The following SGCZ variants were observed in gnomAD, a reference collection of about 807,000 sequenced individuals.
SGCZ encodes the protein sarcoglycan zeta, also known as zeta-sarcoglycan.
Under a neutral mutation model 41.3 loss-of-function variants are expected in SGCZ, and 40 were observed. The ratio of observed to expected loss-of-function variants is 0.97; its 90% confidence interval spans 0.75 to 1.26. The LOEUF is 1.26. Ranked by LOEUF, SGCZ falls within the 50% of genes most tolerant of loss-of-function variation. The pLI is 0.00. For missense variants in SGCZ, 552 were observed against 369.8 expected, an observed-to-expected ratio of 1.49 and a Z score of -4.04; for synonymous variants, 206 against 137.5, an observed-to-expected ratio of 1.50 and a Z score of -3.49.
rs1457071143 is a variant in SGCZ, at chr8:14,440,716, CG to C, written c.234+114015del. On this transcript the variant is annotated intron_variant, in intron 2 of 7. Coordinates refer to ENST00000382080, the MANE Select transcript of SGCZ (RefSeq NM_139167.4). ...GTATATGTATATATGTATATACATACGTATACACGTATATGTATATATGTAT... is the reference window on the plus strand; with the variant it reads ...GTATATGTATATATGTATATACATACTATACACGTATATGTATATATGTAT... Among the ~76,000 whole-genome samples the C allele has an allele frequency of 4.7e-4, 26 of 55,120 alleles. 2 individuals are homozygous for C. Among genetic ancestry groups the C allele is most frequent in the Non-Finnish European group, 1.1e-3 (24 of 22,850 alleles). The allele number at this position is 55,120 out of a possible 152,430, so 36.2% of individuals were successfully genotyped here. A position where few individuals can be genotyped will look rare whatever the true frequency, so the allele number is the denominator to read the frequency against.
At chr8:14,429,483 G>C (rs1216343658) in intron 2 of SGCZ, among the ~76,000 whole-genome samples, 1 of 152,172 alleles carries the variant, frequency 6.6e-6, no homozygotes, top group African/African-American at 2.4e-5. Context: ...GAGATGAGAT[G>C]AGGTTAAGAG....
intron 1 of SGCZ, among the ~76,000 whole-genome samples, chr8:15,005,302 G>A (rs938676242): frequency 2.9e-5 from 4 of 138,422 alleles, no homozygotes; most frequent in Non-Finnish European, 4.7e-5. Flanking sequence ...CCCTCCCCAC[G>A]CCCCCTCCCC....
intron 2 of SGCZ, among the ~76,000 whole-genome samples, chr8:14,372,560 T>C (rs973352151): frequency 1.3e-5 from 2 of 151,898 alleles, no homozygotes; most frequent in East Asian, 3.9e-4. Context: ...GGACAAAGGG[T>C]AGGAAGTACA....
At chr8:14,128,447 T>C (rs1394106038) in intron 5 of SGCZ, among the ~76,000 whole-genome samples, 1 of 152,218 alleles carries the variant, frequency 6.6e-6, no homozygotes, top group Non-Finnish European at 1.5e-5. Context: ...TATACACTGT[T>C]GGTGGAAGTG....
At chr8:14,730,004 G>A (rs1810182952) in intron 1 of SGCZ, among the ~76,000 whole-genome samples, 1 of 152,160 alleles carries the variant, frequency 6.6e-6, no homozygotes, top group Non-Finnish European at 1.5e-5. Context: ...AGAATTGCTT[G>A]AACCCAGTGG....
chr8:14,739,048 T>C (rs1171327693), intron 1 of SGCZ, among the ~76,000 whole-genome samples: 4 of 152,098 alleles, frequency 2.6e-5, no homozygotes, highest in Non-Finnish European at 5.9e-5. Flanking sequence ...GTATAGAATG[T>C]ACCCATATTG....
chr8:14,123,179 T>C (rs1315643435), intron 5 of SGCZ, among the ~76,000 whole-genome samples: 1 of 152,222 alleles, frequency 6.6e-6, no homozygotes, highest in African/African-American at 2.4e-5. Flanking sequence ...ATTTATTTCA[T>C]CTGCCAAACA....
chr8:14,093,866 G>T (rs1244311610), intron 7 of SGCZ, among the ~76,000 whole-genome samples: 1 of 151,932 alleles, frequency 6.6e-6, no homozygotes, highest in Non-Finnish European at 1.5e-5. Context: ...TTTCTCTATA[G>T]TAAAAATCCA....
At chr8:14,156,241 C>G (rs528287447) in intron 5 of SGCZ, among the ~76,000 whole-genome samples, 31 of 152,224 alleles carry the variant, frequency 2.0e-4, no homozygotes, top group African/African-American at 7.2e-4. Context: ...AGGCCGATCA[C>G]TAGGTCAGGA....
intron 1 of SGCZ, among the ~76,000 whole-genome samples, chr8:14,827,371 G>C (rs1430869160): frequency 6.6e-6 from 1 of 151,762 alleles, no homozygotes; most frequent in Non-Finnish European, 1.5e-5. Context: ...CAAGTAGCTG[G>C]GATTACAGGC....
At chr8:14,281,208 T>C (rs560657644) in intron 3 of SGCZ, among the ~76,000 whole-genome samples, 6 of 152,026 alleles carry the variant, frequency 3.9e-5, no homozygotes. Context: ...GTTTCTACTC[T>C]ATATAATTGG....
intron 1 of SGCZ, among the ~76,000 whole-genome samples, chr8:15,175,757 A>G (rs987131655): frequency 6.6e-6 from 1 of 152,208 alleles, no homozygotes; most frequent in Non-Finnish European, 1.5e-5. Context: ...ATGCAACTTC[A>G]AGATATAGAT....
chr8:14,604,342 C>G (rs2175279), intron 1 of SGCZ, among the ~76,000 whole-genome samples: 144,361 of 152,186 alleles, frequency 0.95, 68,612 homozygotes, highest in South Asian at 0.99. Flanking sequence ...TGTAAGCTCA[C>G]CAGGAAAGTA....
At chr8:14,585,199 G>A (rs1805019613) in intron 1 of SGCZ, among the ~76,000 whole-genome samples, 1 of 152,088 alleles carries the variant, frequency 6.6e-6, no homozygotes, top group African/African-American at 2.4e-5. Context: ...GGCGTTAAAT[G>A]TACTTTTCAA....
chr8:14,807,108 C>A (rs1038880820), intron 1 of SGCZ, among the ~76,000 whole-genome samples: 2 of 151,780 alleles, frequency 1.3e-5, no homozygotes, highest in African/African-American at 2.4e-5. Context: ...CTATGACAAA[C>A]CCACAGCCAA....
intron 1 of SGCZ, among the ~76,000 whole-genome samples, chr8:15,096,229 A>G (rs1806341460): frequency 6.6e-6 from 1 of 151,298 alleles, no homozygotes; most frequent in Admixed American, 6.6e-5. Flanking sequence ...GGTGTGCACA[A>G]CCACGCCCAG....
At chr8:14,725,696 GACA>G (rs938548523) in intron 1 of SGCZ, among the ~76,000 whole-genome samples, 69 of 152,140 alleles carry the variant, frequency 4.5e-4, no homozygotes, top group Admixed American at 1.1e-3. Flanking sequence ...CTTAATTTTG[GACA>G]ACGATATCAA....
At chr8:15,051,897 G>A (rs1020444073) in intron 1 of SGCZ, among the ~76,000 whole-genome samples, 3 of 152,290 alleles carry the variant, frequency 2.0e-5, no homozygotes, top group African/African-American at 7.2e-5. Context: ...GAAACTGGAA[G>A]GAGATAGCAC....
intron 1 of SGCZ, among the ~76,000 whole-genome samples, chr8:14,654,200 A>T (rs1355034733): frequency 2.0e-5 from 3 of 151,854 alleles, no homozygotes; most frequent in Non-Finnish European, 2.9e-5. Flanking sequence ...TCAGTAAAAT[A>T]ATGGGTAACA....
Sources: gnomAD v4.1 joint callset for allele counts (sites outside exome capture counted in the v4.1 genomes callset) on GRCh38, gnomAD v4.1.1 for gene constraint, MANE v1.5 for transcripts, NCBI Gene and HGNC (gene_info 2026-07-23, HGNC 2026-07-21) for gene names.